Variants in MFNG observed in about 807,000 individuals in gnomAD.
MFNG encodes beta-1,3-N-acetylglucosaminyltransferase manic fringe.
A neutral mutation model predicts 34.2 loss-of-function variants in MFNG; 24 were observed. That is an observed-to-expected ratio of 0.70 (90% CI 0.51 to 0.99). The LOEUF is 0.99. MFNG is among the 50% of genes least tolerant of loss of function. The probability of loss-of-function intolerance (pLI) is 0.00; values close to 1 mark genes in which losing one functional copy is unlikely to be tolerated. For missense variants in MFNG, 383 were observed against 424.0 expected, an observed-to-expected ratio of 0.90 and a Z score of 0.85; for synonymous variants, 158 against 179.2, an observed-to-expected ratio of 0.88 and a Z score of 0.94.
At position 37,486,129 on chromosome 22, in the gene MFNG, G is replaced by C. The variant is rs1419846332; in HGVS notation, c.49C>G (p.Leu17Val). The change falls in exon 1 of 8, where the codon CTG becomes GTG. Residue 17 changes from leucine to valine, a missense_variant. Leu to Val is a conservative substitution (Grantham distance 32). Transcript: ENST00000356998. ...RGLAGALLTL[L>V]CMGLLCLRYH... ...CGCAGACACAGGAGCCCCATGCACA[G>C]GAGGGTGAGGAGGGCTCCAGCCAGG... 1 of 1,601,422 alleles carries C rather than the reference G, an allele frequency of 6.2e-7. No individual in the cohort carries two copies. The highest frequency in any genetic ancestry group is 8.5e-7 in the Non-Finnish European group (1 of 1,170,992).
chr22:37,474,046 ACCT>A (rs1921928219), intron 6 of MFNG, among the ~76,000 whole-genome samples: 1 of 152,104 alleles, frequency 6.6e-6, no homozygotes, highest in Non-Finnish European at 1.5e-5. Flanking sequence ...CATCCCGGTA[ACCT>A]CAGGGTTGGC....
chr22:37,472,522 G>C lies in MFNG; in HGVS notation c.820C>G (p.Leu274Val). The C allele has an allele frequency of 6.3e-7, 1 of 1,580,492 alleles. No homozygotes were observed. The highest frequency in any genetic ancestry group is 2.4e-5 in the East Asian group (1 of 40,864). ...RTAQLPEQVT[L>V]SYGVFEGKLN... Reference sequence around the variant, plus strand: ...TTCCCCTCAAAGACACCGTAGCTGAGGGTGACCTGGGCAGGGAGATAGAAG... The same window carrying C: ...TTCCCCTCAAAGACACCGTAGCTGACGGTGACCTGGGCAGGGAGATAGAAG... The change falls in exon 7 of 8, where the codon CTC becomes GTC. Residue 274 changes from leucine (L) to valine (V), a missense_variant. Leu to Val is a conservative substitution (Grantham distance 32). Coordinates refer to ENST00000356998, the MANE Select transcript of MFNG (RefSeq NM_002405.4).
In MFNG at chr22:37,471,522, C is replaced by T. The variant is rs533052998; in HGVS notation, c.899+921G>A. On this transcript the variant is annotated intron_variant, in intron 7 of 7. Transcript: ENST00000356998. ...TCCTCTCCACCCCCATCCCGCCACC[C>T]CTGGCCAGAATCACAAGCCATAGCT... Among the ~76,000 whole-genome samples, 3 of 152,276 alleles carry T rather than the reference C, an allele frequency of 2.0e-5. No individual in the cohort carries two copies. The South Asian group carries it at 6.2e-4, about 32-fold the overall frequency.
intron 6 of MFNG, among the ~76,000 whole-genome samples, chr22:37,472,991 T>G (rs922560742): frequency 1.3e-5 from 2 of 152,146 alleles, no homozygotes; most frequent in Admixed American, 1.3e-4. Flanking sequence ...ACTGTGGGCA[T>G]AGGGACCACC....
At chr22:37,484,711 G>A in intron 1 of MFNG, 1 of 152,508 alleles carries the variant, frequency 6.6e-6, no homozygotes, top group Non-Finnish European at 1.5e-5. Context: ...CGCCTTGGCT[G>A]CTTCCGCAGG....
chr22:37,470,619 A>G (rs1310657310), intron 7 of MFNG, among the ~76,000 whole-genome samples: 1 of 152,204 alleles, frequency 6.6e-6, no homozygotes, highest in Non-Finnish European at 1.5e-5. Context: ...GCCAAATTCT[A>G]TCTCCTTGTA....
chr22:37,481,091 A>T (rs562397134), intron 1 of MFNG: 5 of 279,048 alleles, frequency 1.8e-5, no homozygotes, highest in East Asian at 1.5e-4. Context: ...ACACACAATC[A>T]CACACACACA....
At chr22:37,479,542 C>T (rs374266978) in intron 3 of MFNG, 44 bp from the exon 4 acceptor site, 1 of 1,603,138 alleles carries the variant, frequency 6.2e-7, no homozygotes, top group Non-Finnish European at 8.5e-7. Flanking sequence ...GGGGGGGTTC[C>T]AAGCCAGGGT....
intron 7 of MFNG, among the ~76,000 whole-genome samples, chr22:37,470,954 TCTC>T (rs1921777710): frequency 6.6e-6 from 1 of 152,162 alleles, no homozygotes; most frequent in African/African-American, 2.4e-5. Flanking sequence ...CACCTGCTCT[TCTC>T]CTAGCGAACT....
intron 4 of MFNG, among the ~76,000 whole-genome samples, chr22:37,478,258 G>A (rs759599045): frequency 2.0e-5 from 3 of 152,078 alleles, no homozygotes; most frequent in Non-Finnish European, 4.4e-5. Context: ...CCTGCACCAG[G>A]CACTGCCTCT....
chr22:37,483,295 T>G lies in MFNG; in HGVS notation c.256-2526A>C, dbSNP rs1469143539. ...TGTCGTCACCTGCTGCCTGCTTTGC[T>G]GCAGGCCCTCCTCCCTGGCCTCCCT... On this transcript the variant is annotated intron_variant, in intron 1 of 7. Coordinates refer to ENST00000356998, the MANE Select transcript of MFNG (RefSeq NM_002405.4). This position sits in a 1 kb window ranked among gnomAD's most constrained non-coding sequence, Gnocchi z 4.5. Among the ~76,000 whole-genome samples the G allele has an allele frequency of 6.6e-6, 1 of 152,166 alleles. No individual in the cohort carries two copies. Among genetic ancestry groups the G allele is most frequent in the African/African-American group, 2.4e-5 (1 of 41,442 alleles).
chr22:37,479,528 T>C, intron 3 of MFNG, 30 bp from the exon 4 acceptor site: 1 of 1,605,810 alleles, frequency 6.2e-7, no homozygotes, highest in East Asian at 2.3e-5. Context: ...ACAGTGAACT[T>C]GTTGGGGGGG....
At position 37,472,506 on chromosome 22, in the gene MFNG, A is replaced by G. The variant is rs766304385; in HGVS notation, c.836T>C (p.Phe279Ser). Reference sequence around the variant, plus strand: ...CTTAATGACGTTGAGTTTCCCCTCAAAGACACCGTAGCTGAGGGTGACCTG... The same window carrying G: ...CTTAATGACGTTGAGTTTCCCCTCAGAGACACCGTAGCTGAGGGTGACCTG... ...PEQVTLSYGVFEGKLNVIKLQ... is the reference protein window; with the variant it reads ...PEQVTLSYGVSEGKLNVIKLQ... Residue 279 changes from phenylalanine to serine, a missense_variant, in exon 7 of 8, where the codon TTT becomes TCT. Physicochemically the swap from Phe to Ser is radical, Grantham distance 155 (BLOSUM62 -2). Transcript: ENST00000356998. The G allele has an allele frequency of 3.2e-6, 5 of 1,581,116 alleles. No homozygotes were observed. Among genetic ancestry groups the G allele is most frequent in the South Asian group, 2.3e-5 (2 of 86,934 alleles).
chr22:37,474,737 G>A, intron 5 of MFNG, 60 bp from the exon 6 acceptor site: 1 of 1,519,558 alleles, frequency 6.6e-7, no homozygotes, highest in Non-Finnish European at 8.8e-7. Context: ...AGAGCCGTGG[G>A]CCACCCCATG....
intron 6 of MFNG, among the ~76,000 whole-genome samples, chr22:37,473,764 C>T (rs1188340040): frequency 1.3e-5 from 2 of 152,226 alleles, no homozygotes; most frequent in Non-Finnish European, 2.9e-5. Context: ...GAGGGCTGAG[C>T]CCACCTGAGG....
At chr22:37,470,075 G>C (rs753605455) in intron 7 of MFNG, 46 bp from the exon 8 acceptor site, 2 of 1,455,668 alleles carry the variant, frequency 1.4e-6, no homozygotes, top group Admixed American at 3.8e-5. Context: ...CCCCACTTCT[G>C]CTCTCAGCCC....
At position 37,485,506 on chromosome 22, in the gene MFNG, G is replaced by A. The variant is rs530277169; in HGVS notation, c.255+417C>T. On this transcript the variant is annotated intron_variant, in intron 1 of 7. Transcript: ENST00000356998. This position sits in a 1 kb window ranked among gnomAD's most constrained non-coding sequence, Gnocchi z 5.3. ...GGGTGGGACAGCCTGGCCTGGGCAC[G>A]GGTCTGGGTCAGGACCTCTTGGAGG... Among the ~76,000 whole-genome samples, 13 of 152,320 alleles carry A rather than the reference G, an allele frequency of 8.5e-5. No individual in the cohort carries two copies. In the South Asian group the frequency reaches 1.2e-3, roughly 15 times the overall value.
Position 37,485,516 on chromosome 22 carries a change from C to T in MFNG, c.255+407G>A, listed in dbSNP as rs1486406449. On this transcript the variant is annotated intron_variant, in intron 1 of 7. Transcript: ENST00000356998. The surrounding 1 kb of genome is among the most constrained non-coding windows in gnomAD (Gnocchi z 5.3). ...GCCTGGCCTGGGCACGGGTCTGGGT[C>T]AGGACCTCTTGGAGGCCTCCACCCC... Among the ~76,000 whole-genome samples the T allele has an allele frequency of 6.6e-6, 1 of 152,214 alleles. No individual in the cohort carries two copies. Among genetic ancestry groups the T allele is most frequent in the Admixed American group, 6.5e-5 (1 of 15,280 alleles).
At chr22:37,474,728 G>C (rs1433259997) in intron 5 of MFNG, 51 bp from the exon 6 acceptor site, 2 of 1,533,190 alleles carry the variant, frequency 1.3e-6, no homozygotes, top group South Asian at 1.3e-5. Flanking sequence ...TCCACACCCA[G>C]AGCCGTGGGC....
Sources: allele counts gnomAD v4.1 joint callset (sites outside exome capture counted in the v4.1 genomes callset), GRCh38; gene constraint gnomAD v4.1.1; non-coding constraint Gnocchi (gnomAD v3.1); transcripts MANE v1.5; gene names NCBI Gene and HGNC (gene_info 2026-07-23, HGNC 2026-07-21).